The following ZNF236 variants were observed in gnomAD, a reference collection of about 807,000 sequenced individuals.
ZNF236 encodes zinc finger protein 236.
Under a neutral mutation model 191.2 loss-of-function variants are expected in ZNF236, and 50 were observed. The ratio of observed to expected loss-of-function variants is 0.26; its 90% CI spans 0.21 to 0.33. The LOEUF is 0.33. Among genes scored for constraint, ZNF236 ranks in the 10% least tolerant of loss-of-function variants. ZNF236 has a pLI of 1.00. For missense variants in ZNF236, 1,754 were observed against 2,374.5 expected, an observed-to-expected ratio of 0.74 and a Z score of 5.43; for synonymous variants, 907 against 928.8, an observed-to-expected ratio of 0.98 and a Z score of 0.43.
Position 76,875,870 on chromosome 18 carries a change from TCTTCTTG to T in ZNF236, c.840+209_840+215del, listed in dbSNP as rs1976697152. On this transcript the variant is annotated intron_variant, in intron 6 of 30. Coordinates refer to ENST00000320610, the MANE Select transcript of ZNF236 (RefSeq NM_001306089.2). The surrounding 1 kb of genome is among the most constrained non-coding windows in gnomAD (Gnocchi z 4.3). ...GAAATATAAACTACTATCTTTTTTG[TCTTCTTG>T]CTGACAGCATGGCTTTGGGGAATAA... Among the ~76,000 whole-genome samples, 1 of 152,238 alleles carries T rather than the reference TCTTCTTG, an allele frequency of 6.6e-6. No individual in the cohort carries two copies. Among genetic ancestry groups the T allele is most frequent in the Admixed American group, 6.5e-5 (1 of 15,282 alleles).
intron 25 of ZNF236, among the ~76,000 whole-genome samples, chr18:76,933,259 A>G (rs377491585): frequency 3.2e-4 from 49 of 152,306 alleles, no homozygotes; most frequent in African/African-American, 1.1e-3. Flanking sequence ...ACCTGAGGTC[A>G]GGAGTTTGAG....
At chr18:76,828,722 A>G (rs886707782) in intron 1 of ZNF236, among the ~76,000 whole-genome samples, 2 of 152,202 alleles carry the variant, frequency 1.3e-5, no homozygotes, top group East Asian at 1.9e-4. Context: ...GCTGGTATGC[A>G]GTGGCGTGAT....
In ZNF236 at chr18:76,837,165, G is replaced by C. The variant is rs994095360; in HGVS notation, c.56-12361G>C. Among the ~76,000 whole-genome samples, 4 of 123,874 alleles carry C rather than the reference G, an allele frequency of 3.2e-5. No individual in the cohort carries two copies. In the South Asian group the frequency reaches 1.0e-3, roughly 31 times the overall value. The allele number at this position is 123,874 out of a possible 152,430, so 81.3% of individuals were successfully genotyped here. On this transcript the variant is annotated intron_variant, in intron 1 of 30. Transcript: ENST00000320610. The stretch of plus-strand genomic sequence containing the variant: ...GCCCCGCAAGCCTCCCAAAGTGCTG[G>C]AATTACAGGCATGTGCTGCCATGCC...
intron 1 of ZNF236, among the ~76,000 whole-genome samples, chr18:76,830,646 A>T (rs1975145476): frequency 6.6e-6 from 1 of 152,214 alleles, no homozygotes; most frequent in Non-Finnish European, 1.5e-5. Context: ...TAAAAAAAAA[A>T]ATCTCAAAAA....
intron 9 of ZNF236, among the ~76,000 whole-genome samples, chr18:76,882,617 C>T (rs1976930835): frequency 6.6e-6 from 1 of 152,174 alleles, no homozygotes; most frequent in African/African-American, 2.4e-5. Context: ...AATAACATTG[C>T]CATTTCTGTT....
chr18:76,956,113 G>A lies in ZNF236; in HGVS notation c.5043G>A (p.Val1681=). ...AAVLMHHSKE[V]HGRERIHGCP... Reference sequence around the variant, plus strand: ...TGCTCATGCACCACAGCAAGGAGGTGCATGGCCGGGAGCGCATCCACGGCT... The same window carrying A: ...TGCTCATGCACCACAGCAAGGAGGTACATGGCCGGGAGCGCATCCACGGCT... The change falls in exon 28 of 31, where the codon GTG becomes GTA. Residue 1681 remains valine (V), a synonymous_variant. Transcript: ENST00000320610. The A allele has an allele frequency of 6.3e-7, 1 of 1,580,794 alleles. No homozygotes were observed. The highest frequency in any genetic ancestry group is 8.6e-7 in the Non-Finnish European group (1 of 1,164,198).
intron 26 of ZNF236, among the ~76,000 whole-genome samples, chr18:76,938,290 T>G (rs569086531): frequency 1.3e-5 from 2 of 152,140 alleles, no homozygotes; most frequent in Admixed American, 1.3e-4. Context: ...CTCCGGGGGC[T>G]GAGGTGGGAG....
intron 1 of ZNF236, among the ~76,000 whole-genome samples, chr18:76,826,404 G>A (rs1975021262): frequency 6.6e-6 from 1 of 151,192 alleles, no homozygotes. Flanking sequence ...GATTATAGGC[G>A]TGAGCTACCG....
At chr18:76,879,238 T>C (rs918647318) in intron 7 of ZNF236, among the ~76,000 whole-genome samples, 1 of 152,190 alleles carries the variant, frequency 6.6e-6, no homozygotes, top group Admixed American at 6.5e-5. Flanking sequence ...AATGTAATTA[T>C]AGGGATTTAG....
chr18:76,968,233 C>T lies in ZNF236; in HGVS notation c.5438C>T (p.Ala1813Val), dbSNP rs746787978. The T allele has an allele frequency of 6.2e-7, 1 of 1,613,696 alleles. No individual in the cohort carries two copies. The highest frequency in any genetic ancestry group is 8.5e-7 in the Non-Finnish European group (1 of 1,179,838). ...ATAACAGGAGCTCTGCAGGAGTCTG[C>T]AGGTCACCCGGAGCAGGACGGGGAG... Reference protein sequence around the residue: ...HSYAGALQESAGHPEQDGEEL... With the variant: ...HSYAGALQESVGHPEQDGEEL... Residue 1813 changes from alanine to valine, a missense_variant, in exon 31 of 31, where the codon GCA becomes GTA. Physicochemically the swap from Ala to Val is moderately conservative, Grantham distance 64. Coordinates refer to ENST00000320610, the MANE Select transcript of ZNF236 (RefSeq NM_001306089.2).
intron 10 of ZNF236, chr18:76,898,009 A>G (rs1255175661): frequency 6.6e-6 from 1 of 152,162 alleles, no homozygotes; most frequent in African/African-American, 2.4e-5. Context: ...TTATAAATGA[A>G]CGTAGAATTG....
At chr18:76,865,791 G>A (rs924607182) in intron 3 of ZNF236, among the ~76,000 whole-genome samples, 3 of 152,180 alleles carry the variant, frequency 2.0e-5, no homozygotes, top group Non-Finnish European at 2.9e-5. Flanking sequence ...TAAAATGGGT[G>A]CATTTGTTAT....
At chr18:76,850,533 G>A (rs1599329656) in intron 2 of ZNF236, among the ~76,000 whole-genome samples, 2 of 152,046 alleles carry the variant, frequency 1.3e-5, no homozygotes, top group Admixed American at 1.3e-4. Context: ...TTCCATTATG[G>A]GAAAATCTTA....
intron 19 of ZNF236, 96 bp downstream of exon 19, chr18:76,915,955 A>G: frequency 8.6e-7 from 1 of 1,164,512 alleles, no homozygotes; most frequent in Non-Finnish European, 1.2e-6. Context: ...ACGTGGCTAT[A>G]TATAGATTAG....
At chr18:76,825,478 T>A (rs1974988651) in intron 1 of ZNF236, among the ~76,000 whole-genome samples, 1 of 152,198 alleles carries the variant, frequency 6.6e-6, no homozygotes, top group Admixed American at 6.5e-5. Context: ...AGAGTGAGGC[T>A]GTATTACCTT....
At chr18:76,903,730 C>T (rs1977666326) in intron 11 of ZNF236, among the ~76,000 whole-genome samples, 1 of 151,966 alleles carries the variant, frequency 6.6e-6, no homozygotes, top group South Asian at 2.1e-4. Flanking sequence ...AATGCAGTAG[C>T]TTGATCAATT....
chr18:76,895,554 C>T (rs189265847), intron 10 of ZNF236, among the ~76,000 whole-genome samples: 136 of 151,858 alleles, frequency 9.0e-4, no homozygotes, highest in African/African-American at 3.0e-3. Context: ...GCAATGTGCA[C>T]AGGTACTGCA....
At chr18:76,943,553 CTTA>C (rs899385912) in intron 26 of ZNF236, among the ~76,000 whole-genome samples, 6 of 152,172 alleles carry the variant, frequency 3.9e-5, no homozygotes, top group South Asian at 2.1e-4. Context: ...AAAAAACAAA[CTTA>C]TTATTACAGA....
At chr18:76,823,859 C>T (rs1469087514) in intron 1 of ZNF236, among the ~76,000 whole-genome samples, 1 of 152,168 alleles carries the variant, frequency 6.6e-6, no homozygotes, top group Non-Finnish European at 1.5e-5. Context: ...TCGCGGGCGC[C>T]GTGGTTCCCG....
Sources: gnomAD v4.1 joint callset for allele counts (sites outside exome capture counted in the v4.1 genomes callset) on GRCh38, gnomAD v4.1.1 for gene constraint, Gnocchi (gnomAD v3.1) non-coding constraint, MANE v1.5 for transcripts, NCBI Gene and HGNC (gene_info 2026-07-23, HGNC 2026-07-21) for gene names.